The following SLC27A4 variants were observed in gnomAD, a reference collection of about 807,000 sequenced individuals.
The protein encoded by SLC27A4 is long-chain fatty acid transport protein 4.
In SLC27A4, 33 loss-of-function variants were observed where a neutral mutation model predicts 64.4. The observed-to-expected ratio is 0.51, with a 90% CI of 0.39 to 0.68. SLC27A4 has a LOEUF of 0.68. Among genes scored for constraint, SLC27A4 ranks in the 30% least tolerant of loss-of-function variants. The pLI, the probability that SLC27A4 is intolerant of heterozygous loss-of-function variation, is 0.00. For missense variants in SLC27A4, 824 were observed against 883.5 expected (o/e 0.93, Z 0.85); for synonymous variants, 377 against 370.0 (o/e 1.02, Z -0.22).
rs1480685480 is a variant in SLC27A4, at chr9:128,343,423, A to G, written c.161+130A>G. The G allele has an allele frequency of 3.8e-6, 4 of 1,060,748 alleles. No individual in the cohort carries two copies. The African/African-American group carries it at 6.3e-5, about 17-fold the overall frequency. 65.7% of individuals were successfully genotyped at this position (1,060,748 alleles called of 1,614,324 possible). A position where few individuals can be genotyped will look rare whatever the true frequency, so the allele number is the denominator to read the frequency against. ...CAGCTGAGCTGAGTTCCAGAACAGC[A>G]GCCTCTGCTCCACACCCGTACCCTG... On this transcript the variant is annotated intron_variant, in intron 2 of 12. Coordinates refer to ENST00000300456, the MANE Select transcript of SLC27A4 (RefSeq NM_005094.4).
chr9:128,352,843 G>A (rs1832757835), intron 7 of SLC27A4, 96 bp downstream of exon 7: 1 of 1,136,116 alleles, frequency 8.8e-7, no homozygotes, highest in Non-Finnish European at 1.3e-6. Context: ...GAGGTGGCCA[G>A]TCATTCCAAA....
At chr9:128,351,586 G>A (rs896828550) in intron 6 of SLC27A4, among the ~76,000 whole-genome samples, 5 of 151,818 alleles carry the variant, frequency 3.3e-5, no homozygotes, top group African/African-American at 9.7e-5. Flanking sequence ...GCTTGGTGGC[G>A]GGTGCCTGTA....
At chr9:128,359,439 C>T (rs915757563) in intron 12 of SLC27A4, among the ~76,000 whole-genome samples, 8 of 152,138 alleles carry the variant, frequency 5.3e-5, no homozygotes, top group Admixed American at 3.9e-4. Flanking sequence ...GCCTGACCAA[C>T]ATGGTGAAAC....
Position 128,355,054 on chromosome 9 carries a change from T to G in SLC27A4, c.1326T>G (p.Gly442=), listed in dbSNP as rs751179445. 20 of 1,607,774 alleles carry G rather than the reference T, an allele frequency of 1.2e-5. No homozygotes were observed. Among genetic ancestry groups the G allele is most frequent in the Non-Finnish European group, 1.5e-5 (18 of 1,177,870 alleles). The change falls in exon 10 of 13, where the codon GGT becomes GGG. Residue 442 remains glycine (G), a splice_region_variant and synonymous_variant. Coordinates refer to ENST00000300456, the MANE Select transcript of SLC27A4 (RefSeq NM_005094.4). The part of the protein sequence containing the change: ...PDGVCIPCQP[G]EPGQLVGRII... ...CTGACCCTGCCTTCCCCACCCCAGG[T>G]GAGCCGGGCCAGCTGGTGGGCCGCA...
Position 128,353,757 on chromosome 9 carries a change from T to TTA in SLC27A4, c.1324+216_1324+217insTA, listed in dbSNP as rs1554800475. 6.7e-6 allele frequency among the ~76,000 whole-genome samples: 1 copy of TTA among 150,218 alleles called. No individual in the cohort carries two copies. The highest frequency in any genetic ancestry group is 1.9e-4 in the East Asian group (1 of 5,152). On this transcript the variant is annotated intron_variant, in intron 9 of 12. Transcript: ENST00000300456. This position sits in a 1 kb window ranked among gnomAD's most constrained non-coding sequence, Gnocchi z 4.9. ...ATTCATTCATTCTTTTTTTTTTTTT[T>TTA]ATTTGAGACGGAGTCTCGCTCTGTC...
Position 128,353,433 on chromosome 9 carries a change from A to C in SLC27A4, c.1216A>C (p.Asn406His). The change falls in exon 9 of 13, where the codon AAT becomes CAT. Residue 406 changes from asparagine (N) to histidine (H), a missense_variant. Coordinates refer to ENST00000300456, the MANE Select transcript of SLC27A4 (RefSeq NM_005094.4). The surrounding 1 kb of genome is among the most constrained non-coding windows in gnomAD (Gnocchi z 4.9). ...FDSQVGACGF[N>H]SRILSFVYPI... ...TTCGCAGGTGGGGGCCTGTGGTTTC[A>C]ATAGCCGCATCCTGTCCTTCGTGTA... The C allele has an allele frequency of 6.2e-7, 1 of 1,614,192 alleles. No individual in the cohort carries two copies. The highest frequency in any genetic ancestry group is 1.1e-5 in the South Asian group (1 of 91,086).
chr9:128,344,666 G>T (rs139050369), intron 2 of SLC27A4, among the ~76,000 whole-genome samples: 1 of 152,350 alleles, frequency 6.6e-6, no homozygotes, highest in Non-Finnish European at 1.5e-5. Flanking sequence ...AGGCTCACAG[G>T]GAGGAAGACT....
rs974743359 is a variant in SLC27A4 at position 128,348,849 on chromosome 9, G to A, written c.715+146G>A. ...CCTCCCTTTTTCCATCTGGAAAATG[G>A]TGACAGTAAACCTGGGCCACTCCAG... On this transcript the variant is annotated intron_variant, in intron 4 of 12. Coordinates refer to ENST00000300456, the MANE Select transcript of SLC27A4 (RefSeq NM_005094.4). 4 of 843,618 alleles carry A rather than the reference G, an allele frequency of 4.7e-6. No homozygotes were observed. In the African/African-American group the frequency reaches 6.7e-5, roughly 14 times the overall value. The allele number at this position is 843,618 out of a possible 1,614,324, so 52.3% of individuals were successfully genotyped here.
Position 128,354,835 on chromosome 9 carries a change from C to T in SLC27A4, c.1325-218C>T, listed in dbSNP as rs10987967. ...GGGCCTGTTGGCGTGTGCCTGTAAT[C>T]TCAGCTACTCAGGAGGCTAAGGCAG... On this transcript the variant is annotated intron_variant, in intron 9 of 12. Transcript: ENST00000300456. 2.0e-5 allele frequency among the ~76,000 whole-genome samples: 3 copies of T among 151,886 alleles called. No individual in the cohort carries two copies. The South Asian group carries it at 6.2e-4, about 32-fold the overall frequency.
chr9:128,345,161 C>T lies in SLC27A4; in HGVS notation c.168C>T (p.Gly56=), dbSNP rs181020996. The stretch of plus-strand genomic sequence containing the variant: ...CTCTCTTGTTCACACACAGTGGCGG[C>T]CTGGTCCTCCTGAAGGTGAAGGCAA... ...IKTIRRDIFG[G]LVLLKVKAKV... Residue 56 remains glycine, a synonymous_variant, in exon 3 of 13, where the codon GGC becomes GGT. Transcript: ENST00000300456. This position sits in a 1 kb window ranked among gnomAD's most constrained non-coding sequence, Gnocchi z 4.1. 1.7e-4 allele frequency: 273 copies of T among 1,613,198 alleles called. 2 individuals are homozygous for T. The East Asian group carries it at 5.9e-3, about 35-fold the overall frequency.
chr9:128,353,316 C>G lies in SLC27A4; in HGVS notation c.1197+82C>G. On this transcript the variant is annotated intron_variant, in intron 8 of 12. Coordinates refer to ENST00000300456, the MANE Select transcript of SLC27A4 (RefSeq NM_005094.4). The surrounding 1 kb of genome is among the most constrained non-coding windows in gnomAD (Gnocchi z 4.9). ...TGGATGCAGAGGGGAGGGCAGAGTT[C>G]GAGCGTGAGAGTGTGGGTGCTGGAG... The G allele has an allele frequency of 6.2e-7, 1 of 1,609,222 alleles. No homozygotes were observed. The highest frequency in any genetic ancestry group is 8.5e-7 in the Non-Finnish European group (1 of 1,176,494).
At chr9:128,360,308 C>G in intron 12 of SLC27A4, 26 bp from the exon 13 acceptor site, 2 of 1,613,830 alleles carry the variant, frequency 1.2e-6, no homozygotes, top group Non-Finnish European at 1.7e-6. Flanking sequence ...CTGCCCTGCA[C>G]TGAGTCTTCT....
chr9:128,356,685 G>A (rs1247738459), intron 12 of SLC27A4, among the ~76,000 whole-genome samples: 1 of 152,020 alleles, frequency 6.6e-6, no homozygotes. Flanking sequence ...GCTCACGCCT[G>A]TAATCCCAGC....
rs1832892051 is a variant in SLC27A4 at position 128,360,828 on chromosome 9, A to G, written c.*337A>G. The G allele has an allele frequency of 2.8e-6, 1 of 360,266 alleles. No homozygotes were observed. Among genetic ancestry groups the G allele is most frequent in the South Asian group, 2.5e-5 (1 of 40,384 alleles). 22.3% of individuals were successfully genotyped at this position (360,266 alleles called of 1,614,324 possible). On this transcript the variant is annotated 3_prime_UTR_variant, in exon 13 of 13. Coordinates refer to ENST00000300456, the MANE Select transcript of SLC27A4 (RefSeq NM_005094.4). ...GCCCTTCCCAGAGAGCAGGGAGCTT[A>G]TAAATGGAACCAGAGCAGAAGTCCC... is the stretch of plus-strand genomic sequence containing the variant.
Position 128,360,546 on chromosome 9 carries a change from G to A in SLC27A4, c.*55G>A, listed in dbSNP as rs527573366. On this transcript the variant is annotated 3_prime_UTR_variant, in exon 13 of 13. Transcript: ENST00000300456. Reference sequence around the variant, plus strand: ...TGCTGGATCCGGAGCCCCAGGTTCCGCCCCAGAGCGGTCCTGGACAAGGCC... The same window carrying A: ...TGCTGGATCCGGAGCCCCAGGTTCCACCCCAGAGCGGTCCTGGACAAGGCC... 5.1e-5 allele frequency: 82 copies of A among 1,598,278 alleles called. No homozygotes were observed. In the South Asian group the frequency reaches 7.6e-4, roughly 15 times the overall value.
intron 7 of SLC27A4, 117 bp downstream of exon 7, chr9:128,352,864 GT>G: frequency 9.3e-7 from 1 of 1,072,604 alleles, no homozygotes; most frequent in Non-Finnish European, 1.4e-6. Flanking sequence ...GGGCTCATTT[GT>G]GGCAAAGTTC....
Position 128,345,304 on chromosome 9 carries a change from T to G in SLC27A4, c.311T>G (p.Phe104Cys). The G allele has an allele frequency of 1.9e-6, 3 of 1,613,696 alleles. No individual in the cohort carries two copies. The highest frequency in any genetic ancestry group is 2.5e-6 in the Non-Finnish European group (3 of 1,179,956). ...GAGGGCACAGATACCCACTGGACCT[T>G]CCGCCAGCTGGATGAGTACTCAAGC... The part of the protein sequence containing the change: ...IFEGTDTHWT[F>C]RQLDEYSSSV... Residue 104 changes from phenylalanine (F) to cysteine (C), a missense_variant, in exon 3 of 13, where the codon TTC becomes TGC. Phe to Cys is a radical substitution (Grantham distance 205). Transcript: ENST00000300456. The surrounding 1 kb of genome is among the most constrained non-coding windows in gnomAD (Gnocchi z 4.1).
intron 5 of SLC27A4, 33 bp downstream of exon 5, chr9:128,350,414 C>A: frequency 6.2e-7 from 1 of 1,612,784 alleles, no homozygotes; most frequent in South Asian, 1.1e-5. Flanking sequence ...GGGGTAGGCA[C>A]AGGCAGGGCT....
chr9:128,350,683 C>T (rs536344410), intron 6 of SLC27A4, 108 bp downstream of exon 6: 4 of 874,132 alleles, frequency 4.6e-6, no homozygotes, highest in African/African-American at 1.7e-5. Context: ...GGGCCAGGCG[C>T]AGTGACTCAC....
Sources: gnomAD v4.1 joint callset for allele counts (sites outside exome capture counted in the v4.1 genomes callset) on GRCh38, gnomAD v4.1.1 for gene constraint, Gnocchi (gnomAD v3.1) non-coding constraint, MANE v1.5 for transcripts, NCBI Gene and HGNC (gene_info 2026-07-23, HGNC 2026-07-21) for gene names.